The following CDHR3 variants were observed in gnomAD, a reference collection of about 807,000 sequenced individuals.
CDHR3 encodes cadherin related family member 3, also known as cadherin-related family member 3.
A neutral mutation model predicts 86.6 loss-of-function variants in CDHR3; 79 were observed. The ratio of observed to expected loss-of-function variants is 0.91; its 90% CI spans 0.76 to 1.10. The LOEUF is 1.10. Among genes scored for constraint, CDHR3 ranks in the 50% least tolerant of loss-of-function variants. The pLI is 0.00. For missense variants in CDHR3, 1,081 were observed against 1,077.6 expected (o/e 1.00, Z -0.04); for synonymous variants, 421 against 402.4 (o/e 1.05, Z -0.55).
intron 1 of CDHR3, among the ~76,000 whole-genome samples, chr7:105,972,843 A>T (rs1290876930): frequency 6.6e-6 from 1 of 152,238 alleles, no homozygotes; most frequent in Non-Finnish European, 1.5e-5. Context: ...TAATTCTGCG[A>T]GCGACAATAA....
At chr7:106,012,301 G>A (rs753794789) in intron 8 of CDHR3, among the ~76,000 whole-genome samples, 1 of 152,058 alleles carries the variant, frequency 6.6e-6, no homozygotes, top group East Asian at 1.9e-4. Context: ...AGGAAGTACC[G>A]GGCAGGGAAC....
chr7:105,995,565 G>C (rs573697296), intron 5 of CDHR3, among the ~76,000 whole-genome samples: 2 of 152,264 alleles, frequency 1.3e-5, no homozygotes, highest in Non-Finnish European at 2.9e-5. Flanking sequence ...AGCCGGTGAA[G>C]TCCTGCTCGT....
chr7:106,028,922 T>TTCTTTCTCTC (rs904683925), intron 17 of CDHR3, among the ~76,000 whole-genome samples: 1 of 84,710 alleles, frequency 1.2e-5, no homozygotes, highest in African/African-American at 5.0e-5. Flanking sequence ...TAAATTTTCT[T>TTCTTTCTCTC]TCTTTCTTTC....
At chr7:105,982,715 G>A (rs1829954925) in intron 3 of CDHR3, among the ~76,000 whole-genome samples, 1 of 152,020 alleles carries the variant, frequency 6.6e-6, no homozygotes, top group Non-Finnish European at 1.5e-5. Context: ...AGGTGCAGTG[G>A]CTCATACCTG....
chr7:105,984,082 C>G (rs796675263), intron 3 of CDHR3, 110 bp from the exon 4 acceptor site: 1 of 527,424 alleles, frequency 1.9e-6, no homozygotes, highest in South Asian at 4.0e-5. Context: ...CTTGGTCCCA[C>G]GATGCCAACA....
chr7:106,024,997 T>C (rs1306863215), intron 15 of CDHR3, among the ~76,000 whole-genome samples: 1 of 152,234 alleles, frequency 6.6e-6, no homozygotes, highest in African/African-American at 2.4e-5. Context: ...CTCCAGTGAC[T>C]CAGCCGGGTT....
intron 4 of CDHR3, among the ~76,000 whole-genome samples, chr7:105,991,859 T>C (rs1385788589): frequency 6.6e-6 from 1 of 152,246 alleles, no homozygotes; most frequent in African/African-American, 2.4e-5. Flanking sequence ...GGGCTTGCCA[T>C]GTACCAGGCA....
At chr7:105,965,691 C>A (rs1027330186) in intron 1 of CDHR3, among the ~76,000 whole-genome samples, 1 of 151,894 alleles carries the variant, frequency 6.6e-6, no homozygotes, top group Non-Finnish European at 1.5e-5. Flanking sequence ...GCACCTAATG[C>A]AGATTCAGTG....
rs935286349 is a variant in CDHR3, at chr7:106,033,335, T to A, written c.*638T>A. The A allele has an allele frequency of 6.6e-6, 1 of 152,308 alleles. No individual in the cohort carries two copies. The highest frequency in any genetic ancestry group is 2.4e-5 in the African/African-American group (1 of 41,456). The allele number at this position is 152,308 out of a possible 1,614,324, so 9.4% of individuals were successfully genotyped here. ...TCCACGTTGTCCTGTCTAGCAGTAG[T>A]TCAGTTCTCTTCATGGTTATGTCTG... On this transcript the variant is annotated 3_prime_UTR_variant, in exon 19 of 19. Coordinates refer to ENST00000317716, the MANE Select transcript of CDHR3 (RefSeq NM_152750.5).
intron 1 of CDHR3, among the ~76,000 whole-genome samples, chr7:105,967,398 T>C (rs1481291036): frequency 6.6e-6 from 1 of 152,240 alleles, no homozygotes; most frequent in African/African-American, 2.4e-5. Flanking sequence ...CTATTGTGAA[T>C]AGTGCCACAA....
chr7:105,990,523 T>C (rs975346223), intron 4 of CDHR3, among the ~76,000 whole-genome samples: 1 of 152,164 alleles, frequency 6.6e-6, no homozygotes, highest in Admixed American at 6.5e-5. Context: ...TGGCAACATA[T>C]TTGTAACTTG....
At chr7:106,018,908 C>T (rs1836090369) in intron 12 of CDHR3, among the ~76,000 whole-genome samples, 1 of 152,104 alleles carries the variant, frequency 6.6e-6, no homozygotes, top group African/African-American at 2.4e-5. Context: ...GCCTGAGATT[C>T]TGCATTTCTG....
intron 3 of CDHR3, among the ~76,000 whole-genome samples, chr7:105,982,052 C>G (rs971560559): frequency 9.0e-5 from 10 of 110,644 alleles, no homozygotes; most frequent in Admixed American, 3.3e-4. Flanking sequence ...TCCCAGCCCC[C>G]CTGCAGTCTG....
intron 14 of CDHR3, 32 bp downstream of exon 14, chr7:106,022,480 A>G (rs376590501): frequency 6.2e-7 from 1 of 1,604,490 alleles, no homozygotes. Flanking sequence ...ATCCCCAGGC[A>G]CATTCCCTTG....
At chr7:106,018,304 T>G (rs768030325) in intron 12 of CDHR3, among the ~76,000 whole-genome samples, 3 of 152,214 alleles carry the variant, frequency 2.0e-5, no homozygotes, top group Non-Finnish European at 4.4e-5. Flanking sequence ...TGGTGTAACC[T>G]TGGCTCACTG....
At chr7:106,005,655 T>G (rs552245878) in intron 8 of CDHR3, among the ~76,000 whole-genome samples, 1 of 152,328 alleles carries the variant, frequency 6.6e-6, no homozygotes, top group Non-Finnish European at 1.5e-5. Flanking sequence ...TCCAGGCGAC[T>G]CTGGACATAG....
Position 106,001,492 on chromosome 7 carries a change from A to C in CDHR3, c.744A>C (p.Glu248Asp). The C allele has an allele frequency of 2.5e-6, 4 of 1,614,032 alleles. No individual in the cohort carries two copies. Among genetic ancestry groups the C allele is most frequent in the Non-Finnish European group, 3.4e-6 (4 of 1,179,880 alleles). ...SPTRVYTVLE[E>D]LSPGTIVANI... ...CACGAGTGTACACAGTCCTGGAGGA[A>C]CTGAGTCCAGGAACCATCGTGGCCA... is the stretch of plus-strand genomic sequence containing the variant. Residue 248 changes from glutamate (E) to aspartate (D), a missense_variant, in exon 7 of 19, where the codon GAA (glutamate) becomes GAC (aspartate). Glu to Asp is a conservative substitution (Grantham distance 45, BLOSUM62 2). Coordinates refer to ENST00000317716, the MANE Select transcript of CDHR3 (RefSeq NM_152750.5).
At chr7:106,010,943 G>A (rs1834706929) in intron 8 of CDHR3, among the ~76,000 whole-genome samples, 1 of 152,226 alleles carries the variant, frequency 6.6e-6, no homozygotes, top group Non-Finnish European at 1.5e-5. Flanking sequence ...AGTGTCAACT[G>A]ACATAGGACA....
chr7:106,025,698 G>A (rs1299695479), intron 15 of CDHR3, among the ~76,000 whole-genome samples: 1 of 152,192 alleles, frequency 6.6e-6, no homozygotes, highest in African/African-American at 2.4e-5. Context: ...ATCTATGGAT[G>A]AAAGACTGTA....
Sources: gnomAD v4.1 joint callset for allele counts (sites outside exome capture counted in the v4.1 genomes callset) on GRCh38, gnomAD v4.1.1 for gene constraint, MANE v1.5 for transcripts, NCBI Gene and HGNC (gene_info 2026-07-23, HGNC 2026-07-21) for gene names.